Variants in ENTPD6 observed in about 807,000 individuals in gnomAD.
ENTPD6 encodes CD39 antigen-like 2.
A neutral mutation model predicts 61.5 loss-of-function variants in ENTPD6; 46 were observed. That is an observed-to-expected ratio of 0.75 (90% CI 0.59 to 0.96). The LOEUF (loss-of-function observed/expected upper bound fraction) is 0.96, where lower values mean the gene tolerates loss of function less well. ENTPD6 is among the 40% of genes least tolerant of loss of function. The pLI, the probability that ENTPD6 is intolerant of heterozygous loss-of-function variation, is 0.00. For synonymous variants in ENTPD6, 252 were observed against 255.5 expected, an observed-to-expected ratio of 0.99 and a Z score of 0.13; for missense variants, 612 against 629.0, an observed-to-expected ratio of 0.97 and a Z score of 0.29.
At chr20:25,218,332 T>C (rs1188694671) in intron 9 of ENTPD6, among the ~76,000 whole-genome samples, 8 of 152,254 alleles carry the variant, frequency 5.3e-5, no homozygotes, top group African/African-American at 1.9e-4. Flanking sequence ...CTGCAGCTCC[T>C]GGATGAGCTC....
At chr20:25,206,616 C>A (rs376254988) in intron 2 of ENTPD6, 26 bp downstream of exon 2, 231 of 1,558,750 alleles carry the variant, frequency 1.5e-4, no homozygotes, top group Non-Finnish European at 1.9e-4. Flanking sequence ...TCAGTAGTTG[C>A]CCAAGGGACG....
chr20:25,196,264 G>C, intron 1 of ENTPD6: 1 of 1,063,316 alleles, frequency 9.4e-7, no homozygotes, highest in Non-Finnish European at 1.1e-6. Context: ...GGTAGGATCA[G>C]GCCGCTCGGA....
chr20:25,222,795 G>T, intron 11 of ENTPD6, 43 bp from the exon 12 acceptor site: 1 of 1,605,566 alleles, frequency 6.2e-7, no homozygotes, highest in South Asian at 1.1e-5. Context: ...TGAGGCCTGG[G>T]TGCTCGGAGC....
chr20:25,204,559 A>G (rs991144613), intron 1 of ENTPD6, among the ~76,000 whole-genome samples: 4 of 152,050 alleles, frequency 2.6e-5, no homozygotes, highest in African/African-American at 9.6e-5. Flanking sequence ...CTCACCTGTC[A>G]TTCTTGCCCC....
intron 1 of ENTPD6, among the ~76,000 whole-genome samples, chr20:25,201,822 C>T (rs2122531155): frequency 6.6e-6 from 1 of 152,260 alleles, no homozygotes; most frequent in East Asian, 1.9e-4. Context: ...CTCAAGTGAT[C>T]CTCCCACCTC....
chr20:25,217,390 C>T (rs757544393), intron 8 of ENTPD6, 112 bp from the exon 9 acceptor site: 3 of 967,464 alleles, frequency 3.1e-6, no homozygotes, highest in African/African-American at 3.2e-5. Context: ...GTGAACAGCT[C>T]ATTTAATTGG....
rs551998495 is a variant in ENTPD6 at position 25,206,641 on chromosome 20, C to T, written c.54+51C>T. 25 of 1,348,478 alleles carry T rather than the reference C, an allele frequency of 1.9e-5. No homozygotes were observed. In the East Asian group the frequency reaches 4.1e-4, roughly 22 times the overall value. 83.5% of individuals were successfully genotyped at this position (1,348,478 alleles called of 1,614,324 possible). On this transcript the variant is annotated intron_variant, in intron 2 of 14. Transcript: ENST00000376652. ...CCCAAGGGACGGAGTTTAAACCTTT[C>T]GAAAAGTAAATTGCCTGAATAGAAG...
At chr20:25,197,010 T>A (rs547159585) in intron 1 of ENTPD6, 3 of 870,430 alleles carry the variant, frequency 3.4e-6, no homozygotes, top group African/African-American at 1.8e-5. Flanking sequence ...TGACGGGCGG[T>A]TCACGCACCG....
At chr20:25,202,159 G>GTCT (rs2122544333) in intron 1 of ENTPD6, among the ~76,000 whole-genome samples, 1 of 152,256 alleles carries the variant, frequency 6.6e-6, no homozygotes, top group Non-Finnish European at 1.5e-5. Context: ...TATCATAAAG[G>GTCT]TCTTCATCTT....
chr20:25,228,070 A>G lies in ENTPD6; in HGVS notation c.*2473A>G, dbSNP rs1298650169. On this transcript the variant is annotated 3_prime_UTR_variant, in exon 15 of 15. Transcript: ENST00000376652. ...TATTTATTAAGGAAATTATCCCATTATGATAGAACGTGTCCAAAAATTTAT... is the reference window on the plus strand; with the variant it reads ...TATTTATTAAGGAAATTATCCCATTGTGATAGAACGTGTCCAAAAATTTAT... 8.5e-5 allele frequency among the ~76,000 whole-genome samples: 13 copies of G among 152,198 alleles called. No homozygotes were observed. The highest frequency in any genetic ancestry group is 7.2e-4 in the Admixed American group (11 of 15,286).
At chr20:25,199,308 C>T (rs1412441507) in intron 1 of ENTPD6, among the ~76,000 whole-genome samples, 1 of 152,184 alleles carries the variant, frequency 6.6e-6, no homozygotes, top group Non-Finnish European at 1.5e-5. Flanking sequence ...TGATCTGTCT[C>T]CTTCGTTGAG....
intron 1 of ENTPD6, chr20:25,196,124 G>T (rs2090374144): frequency 1.7e-6 from 2 of 1,205,158 alleles, no homozygotes; most frequent in Non-Finnish European, 2.1e-6. Flanking sequence ...GCCCCAGGGG[G>T]CCCCAGCCCT....
chr20:25,224,446 C>T (rs2092737208), intron 13 of ENTPD6: 2 of 260,884 alleles, frequency 7.7e-6, no homozygotes, highest in South Asian at 2.0e-4. Flanking sequence ...TGTCACACAA[C>T]CCTTAAGAAG....
rs1056165734 is a variant in ENTPD6 at position 25,226,152 on chromosome 20, G to C, written c.*555G>C. 6.5e-6 allele frequency: 1 copy of C among 152,858 alleles called. No homozygotes were observed. The highest frequency in any genetic ancestry group is 1.5e-5 in the Non-Finnish European group (1 of 68,272). The allele number at this position is 152,858 out of a possible 1,614,324, so 9.5% of individuals were successfully genotyped here. A position where few individuals can be genotyped will look rare whatever the true frequency, so the allele number is the denominator to read the frequency against. On this transcript the variant is annotated 3_prime_UTR_variant, in exon 15 of 15. Coordinates refer to ENST00000376652, the MANE Select transcript of ENTPD6 (RefSeq NM_001247.5). Reference sequence around the variant, plus strand: ...CTTGAGTGTGTTTGCCTCTTCCTTGGGTATGAATGTGTGAGTTCACCCAGA... The same window carrying C: ...CTTGAGTGTGTTTGCCTCTTCCTTGCGTATGAATGTGTGAGTTCACCCAGA...
At chr20:25,222,521 G>A (rs373178976) in intron 11 of ENTPD6, 53 of 277,382 alleles carry the variant, frequency 1.9e-4, no homozygotes, top group Non-Finnish European at 3.2e-4. Flanking sequence ...GGAATGTAGG[G>A]CAGATGGTCC....
rs1356434178 is a variant in ENTPD6, at chr20:25,225,192, G to T, written c.1244-13G>T. The T allele has an allele frequency of 4.4e-6, 7 of 1,608,486 alleles. No homozygotes were observed. The highest frequency in any genetic ancestry group is 5.9e-6 in the Non-Finnish European group (7 of 1,177,968). ...AGTCACCTGGAGCGTGAAGGGACGTGTCTCATCCCCAGTGTGTCGGACCCT... is the reference window on the plus strand; with the variant it reads ...AGTCACCTGGAGCGTGAAGGGACGTTTCTCATCCCCAGTGTGTCGGACCCT... On this transcript the variant is annotated splice_polypyrimidine_tract_variant and intron_variant, in intron 13 of 14. Transcript: ENST00000376652.
intron 5 of ENTPD6, among the ~76,000 whole-genome samples, chr20:25,214,403 G>A (rs1012710430): frequency 2.0e-5 from 3 of 152,216 alleles, no homozygotes; most frequent in African/African-American, 7.2e-5. Flanking sequence ...GAGGGCTTCC[G>A]GCTCCTTTAT....
chr20:25,207,945 G>T (rs530011260), intron 3 of ENTPD6, among the ~76,000 whole-genome samples: 57 of 152,292 alleles, frequency 3.7e-4, no homozygotes, highest in African/African-American at 1.3e-3. Flanking sequence ...CTTCTCTTGA[G>T]GGGTCCCCCT....
intron 8 of ENTPD6, 74 bp from the exon 9 acceptor site, chr20:25,217,428 A>G (rs1489295419): frequency 1.4e-6 from 2 of 1,408,444 alleles, no homozygotes; most frequent in South Asian, 1.2e-5. Context: ...CTTTCTTTCA[A>G]ATGAATTCAG....
Sources: gnomAD v4.1 joint callset for allele counts (sites outside exome capture counted in the v4.1 genomes callset) on GRCh38, gnomAD v4.1.1 for gene constraint, MANE v1.5 for transcripts, NCBI Gene and HGNC (gene_info 2026-07-23, HGNC 2026-07-21) for gene names.